Variants in RALGPS2 observed in about 807,000 individuals in gnomAD.
The protein encoded by RALGPS2 is Ral GEF with PH domain and SH3 binding motif 2, also known as ras-specific guanine nucleotide-releasing factor RalGPS2.
Under a neutral mutation model 86.8 loss-of-function variants are expected in RALGPS2, and 43 were observed. The observed-to-expected ratio is 0.50, with a 90% CI of 0.39 to 0.64. The LOEUF is 0.64. RALGPS2 is among the 30% of genes least tolerant of loss of function. RALGPS2 has a pLI of 0.00. For missense variants in RALGPS2, 536 were observed against 694.6 expected (o/e 0.77, Z 2.57); for synonymous variants, 243 against 231.3 (o/e 1.05, Z -0.46).
chr1:178,903,074 T>G lies in RALGPS2; in HGVS notation c.1630+863T>G, dbSNP rs189410750. 1.4e-4 allele frequency among the ~76,000 whole-genome samples: 21 copies of G among 152,256 alleles called. No homozygotes were observed. In the East Asian group the frequency reaches 2.7e-3, roughly 20 times the overall value. ...AGAAAATATCCCCAAGTGGTTGCTT[T>G]TCTTCCATCATAACAACTGCTAGCT... On this transcript the variant is annotated intron_variant, in intron 18 of 19. Transcript: ENST00000367635.
chr1:178,849,688 A>G (rs1245487992), intron 8 of RALGPS2: 1 of 152,248 alleles, frequency 6.6e-6, no homozygotes, highest in Non-Finnish European at 1.5e-5. Flanking sequence ...CAGGTAAAAC[A>G]AAGAATAATA....
chr1:178,808,788 G>A (rs1308017336), intron 5 of RALGPS2, among the ~76,000 whole-genome samples: 1 of 152,096 alleles, frequency 6.6e-6, no homozygotes, highest in Non-Finnish European at 1.5e-5. Flanking sequence ...GGGCATCTTT[G>A]TACTTCTCTG....
chr1:178,748,342 A>G (rs993402050), intron 1 of RALGPS2, among the ~76,000 whole-genome samples: 1 of 151,744 alleles, frequency 6.6e-6, no homozygotes, highest in Admixed American at 6.6e-5. Context: ...AAAAGAAGTT[A>G]ACGTACACCT....
chr1:178,745,669 A>T (rs1651275657), intron 1 of RALGPS2, among the ~76,000 whole-genome samples: 1 of 152,142 alleles, frequency 6.6e-6, no homozygotes, highest in South Asian at 2.1e-4. Context: ...TAAATTACAA[A>T]CTTTTGGCAA....
At chr1:178,733,664 C>T (rs935732882) in intron 1 of RALGPS2, among the ~76,000 whole-genome samples, 11 of 152,162 alleles carry the variant, frequency 7.2e-5, no homozygotes, top group African/African-American at 2.7e-4. Context: ...CAGCATTTGC[C>T]TAAAACTGTA....
intron 10 of RALGPS2, among the ~76,000 whole-genome samples, chr1:178,880,829 A>G (rs1659213451): frequency 6.6e-6 from 1 of 152,196 alleles, no homozygotes; most frequent in Admixed American, 6.5e-5. Context: ...TTATAATACA[A>G]TATTTATTAA....
chr1:178,881,295 T>G (rs1659234805), intron 10 of RALGPS2, among the ~76,000 whole-genome samples: 1 of 152,128 alleles, frequency 6.6e-6, no homozygotes, highest in Non-Finnish European at 1.5e-5. Context: ...GGCTGAATCT[T>G]AACAGGTGAG....
chr1:178,803,758 C>T (rs1654597044), intron 4 of RALGPS2, among the ~76,000 whole-genome samples: 1 of 152,088 alleles, frequency 6.6e-6, no homozygotes, highest in Non-Finnish European at 1.5e-5. Flanking sequence ...TTTAAAAAGG[C>T]AGTTTTTATC....
chr1:178,725,590 C>G (rs1649929257), intron 1 of RALGPS2, 171 bp downstream of exon 1: 1 of 151,788 alleles, frequency 6.6e-6, no homozygotes, highest in African/African-American at 2.4e-5. Flanking sequence ...GGCTGCGGAG[C>G]TGGGGCTGAG....
At chr1:178,903,801 G>T (rs1660277642) in intron 18 of RALGPS2, among the ~76,000 whole-genome samples, 1 of 152,168 alleles carries the variant, frequency 6.6e-6, no homozygotes. Flanking sequence ...GAATTGTGCT[G>T]CTGTGAACAT....
At chr1:178,813,499 C>T (rs776539185) in intron 6 of RALGPS2, among the ~76,000 whole-genome samples, 10 of 152,176 alleles carry the variant, frequency 6.6e-5, no homozygotes, top group African/African-American at 7.2e-5. Flanking sequence ...TATTCTGACT[C>T]TCTGCCTTCT....
chr1:178,777,685 C>G (rs1264992280), intron 2 of RALGPS2, among the ~76,000 whole-genome samples: 2 of 151,760 alleles, frequency 1.3e-5, no homozygotes, highest in African/African-American at 4.8e-5. Context: ...GTACTGGTAC[C>G]AAAACAGAGA....
At chr1:178,756,460 T>C (rs1558104785) in intron 1 of RALGPS2, among the ~76,000 whole-genome samples, 3 of 152,196 alleles carry the variant, frequency 2.0e-5, no homozygotes, top group Non-Finnish European at 4.4e-5. Context: ...CAAGATCAGA[T>C]GGCTGTAGCT....
intron 8 of RALGPS2, among the ~76,000 whole-genome samples, chr1:178,836,415 A>G (rs1656276011): frequency 1.3e-5 from 2 of 152,002 alleles, no homozygotes; most frequent in African/African-American, 2.4e-5. Flanking sequence ...ATATGTTCTC[A>G]TGATGTAGGA....
chr1:178,747,528 T>C, intron 1 of RALGPS2: 1 of 1,612,020 alleles, frequency 6.2e-7, no homozygotes, highest in Non-Finnish European at 8.5e-7. Flanking sequence ...ACAACTGCTT[T>C]GGTCTTCTGC....
At chr1:178,853,983 T>C (rs1348397836) in intron 8 of RALGPS2, among the ~76,000 whole-genome samples, 1 of 152,100 alleles carries the variant, frequency 6.6e-6, no homozygotes, top group Non-Finnish European at 1.5e-5. Context: ...TTCGTTTTCA[T>C]CTGTTCTTTT....
At chr1:178,854,875 T>C (rs1558151580) in intron 8 of RALGPS2, among the ~76,000 whole-genome samples, 2 of 152,190 alleles carry the variant, frequency 1.3e-5, no homozygotes, top group Admixed American at 1.3e-4. Context: ...GGTGTCTGAC[T>C]CTTGAACTTG....
intron 6 of RALGPS2, among the ~76,000 whole-genome samples, chr1:178,816,161 A>G (rs1460667108): frequency 1.3e-5 from 2 of 152,188 alleles, no homozygotes; most frequent in Non-Finnish European, 2.9e-5. Context: ...TTATTTTCCA[A>G]CATAACCCGG....
At chr1:178,906,516 G>C (rs1382500977) in intron 18 of RALGPS2, among the ~76,000 whole-genome samples, 1 of 152,092 alleles carries the variant, frequency 6.6e-6, no homozygotes, top group Admixed American at 6.6e-5. Context: ...TATTTAAGGA[G>C]ACAAAATTAT....
Sources: gnomAD v4.1 joint callset for allele counts (sites outside exome capture counted in the v4.1 genomes callset) on GRCh38, gnomAD v4.1.1 for gene constraint, MANE v1.5 for transcripts, NCBI Gene and HGNC (gene_info 2026-07-23, HGNC 2026-07-21) for gene names.